Variants in ASAH2 observed in about 807,000 individuals in gnomAD.
The protein encoded by ASAH2 is neutral ceramidase.
Under a neutral mutation model 82.9 loss-of-function variants are expected in ASAH2, and 58 were observed. The observed-to-expected ratio is 0.70, with a 90% confidence interval of 0.57 to 0.87. The LOEUF (loss-of-function observed/expected upper bound fraction) is 0.87, where lower values mean the gene tolerates loss of function less well. Among genes scored for constraint, ASAH2 ranks in the 40% least tolerant of loss-of-function variants. The probability of loss-of-function intolerance (pLI) is 0.00; values close to 1 mark genes in which losing one functional copy is unlikely to be tolerated. For synonymous variants in ASAH2, 276 were observed against 289.7 expected, an observed-to-expected ratio of 0.95 and a Z score of 0.48; for missense variants, 779 against 834.0, an observed-to-expected ratio of 0.93 and a Z score of 0.81.
rs1382687125 is a variant in ASAH2 at position 50,187,164 on chromosome 10, C to CACA, written c.*150_*151insTGT. Reference sequence around the variant, plus strand: ...CACACACACACACACACACACACACCCCTCCACCCCATTAGCAGTAAACTA... The same window carrying CACA: ...CACACACACACACACACACACACACCACACCTCCACCCCATTAGCAGTAAACTA... On this transcript the variant is annotated 3_prime_UTR_variant, in exon 21 of 21. Transcript: ENST00000682911. The CACA allele has an allele frequency of 5.3e-5, 11 of 208,656 alleles. No homozygotes were observed. Among genetic ancestry groups the CACA allele is most frequent in the Non-Finnish European group, 8.3e-5 (9 of 109,012 alleles). 12.9% of individuals were successfully genotyped at this position (208,656 alleles called of 1,614,324 possible). A position where few individuals can be genotyped will look rare whatever the true frequency, so the allele number is the denominator to read the frequency against.
intron 7 of ASAH2, among the ~76,000 whole-genome samples, chr10:50,220,229 TA>T (rs1845705573): frequency 6.6e-6 from 1 of 152,198 alleles, no homozygotes; most frequent in Admixed American, 6.5e-5. Flanking sequence ...TTGGTTGTAA[TA>T]AATGATTGGG....
intron 2 of ASAH2, among the ~76,000 whole-genome samples, chr10:50,247,597 G>A (rs939990903): frequency 6.6e-6 from 1 of 152,128 alleles, no homozygotes; most frequent in African/African-American, 2.4e-5. Flanking sequence ...AGTAGAGAAT[G>A]TGCAGGAAAA....
At position 50,218,643 on chromosome 10, in the gene ASAH2, A is replaced by G. The variant is rs1237414727; in HGVS notation, c.894-13T>C. 121 of 1,613,738 alleles carry G rather than the reference A, an allele frequency of 7.5e-5. No individual in the cohort carries two copies. In the East Asian group the frequency reaches 2.1e-3, roughly 29 times the overall value. ...GATGGCAAACCAGCTGTAAAAGAGC[A>G]AGAAGCTCTAAATTAATCAGGAGAA... On this transcript the variant is annotated splice_polypyrimidine_tract_variant and intron_variant, in intron 7 of 20. Coordinates refer to ENST00000682911, the MANE Select transcript of ASAH2 (RefSeq NM_019893.4).
intron 17 of ASAH2, among the ~76,000 whole-genome samples, chr10:50,197,642 G>A (rs1381514122): frequency 1.3e-5 from 2 of 151,508 alleles, no homozygotes; most frequent in African/African-American, 4.8e-5. Context: ...TTCCCATTTT[G>A]CAAATGAGAA....
At chr10:50,232,169 T>A (rs1358449702) in intron 7 of ASAH2, among the ~76,000 whole-genome samples, 1 of 152,138 alleles carries the variant, frequency 6.6e-6, no homozygotes, top group Non-Finnish European at 1.5e-5. Context: ...TTTAATGTTT[T>A]TCTTCACCAC....
At chr10:50,245,510 A>G (rs755732025) in intron 2 of ASAH2, 56 bp from the exon 3 acceptor site, 95 of 1,473,096 alleles carry the variant, frequency 6.4e-5, no homozygotes, top group Non-Finnish European at 8.6e-5. Flanking sequence ...ATTTGTCAAC[A>G]TCAATTAGAA....
Position 50,248,563 on chromosome 10 carries a change from G to A in ASAH2, c.48C>T (p.Leu16=). The change falls in exon 2 of 21, where the codon CTC becomes CTT. Residue 16 remains leucine, a synonymous_variant. Coordinates refer to ENST00000682911, the MANE Select transcript of ASAH2 (RefSeq NM_019893.4). ...FSNLETFLIF[L]LVMMSAITVA... is the part of the protein sequence containing the mutation. The stretch of plus-strand genomic sequence containing the variant: ...CTGTGATGGCACTCATCATTACAAG[G>A]AGGAAAATCAGGAATGTCTCCAAGT... The A allele has an allele frequency of 6.2e-7, 1 of 1,613,704 alleles. No individual in the cohort carries two copies. Among genetic ancestry groups the A allele is most frequent in the Non-Finnish European group, 8.5e-7 (1 of 1,179,642 alleles).
chr10:50,241,994 A>T (rs1297257243), intron 4 of ASAH2, among the ~76,000 whole-genome samples: 2 of 151,858 alleles, frequency 1.3e-5, no homozygotes, highest in Non-Finnish European at 2.9e-5. Context: ...ATGTAACAAA[A>T]CTCCACGTTC....
At chr10:50,236,214 G>A in intron 4 of ASAH2, 150 bp from the exon 5 acceptor site, 1 of 737,658 alleles carries the variant, frequency 1.4e-6, no homozygotes, top group Non-Finnish European at 2.3e-6. Flanking sequence ...ACCTAAGACT[G>A]AGTAATTTAT....
chr10:50,208,581 A>T (rs1361987955), intron 12 of ASAH2, among the ~76,000 whole-genome samples: 1 of 16,972 alleles, frequency 5.9e-5, no homozygotes, highest in African/African-American at 6.4e-5. Context: ...TGAAATACTA[A>T]GAAATAAACA....
At chr10:50,210,123 C>T (rs989352337) in intron 12 of ASAH2, among the ~76,000 whole-genome samples, 2 of 152,088 alleles carry the variant, frequency 1.3e-5, no homozygotes, top group African/African-American at 2.4e-5. Context: ...ATAACCAAAA[C>T]ATGGGATAAC....
At position 50,234,529 on chromosome 10, in the gene ASAH2, A is replaced by G; in HGVS notation, c.711T>C (p.Asn237=). ...TGATGAAGATTTTGCCTGGTTTCAT[A>G]TTTGTGTGTGCTATGTCAATGCTCT... ...ILKSIDIAHT[N]MKPGKIFINK... is the part of the protein sequence containing the mutation. Residue 237 remains asparagine (N), a synonymous_variant, in exon 6 of 21, where the codon AAT becomes AAC. Coordinates refer to ENST00000682911, the MANE Select transcript of ASAH2 (RefSeq NM_019893.4). 6.2e-7 allele frequency: 1 copy of G among 1,612,884 alleles called. No homozygotes were observed. The highest frequency in any genetic ancestry group is 8.5e-7 in the Non-Finnish European group (1 of 1,179,188).
chr10:50,213,679 A>G (rs1469882764), intron 9 of ASAH2, among the ~76,000 whole-genome samples: 2 of 152,256 alleles, frequency 1.3e-5, no homozygotes, highest in East Asian at 3.9e-4. Context: ...TAAACTGGAC[A>G]GGTAAAACAT....
chr10:50,202,104 C>A (rs1282187272), intron 16 of ASAH2, among the ~76,000 whole-genome samples: 1 of 152,060 alleles, frequency 6.6e-6, no homozygotes, highest in Non-Finnish European at 1.5e-5. Context: ...TCCTAGAAGG[C>A]AGGGACCTTC....
At chr10:50,227,259 A>T (rs1845909072) in intron 7 of ASAH2, among the ~76,000 whole-genome samples, 1 of 152,192 alleles carries the variant, frequency 6.6e-6, no homozygotes, top group East Asian at 1.9e-4. Context: ...TAGCCACATT[A>T]ACAGACTATG....
At chr10:50,236,988 C>A (rs967902494) in intron 4 of ASAH2, among the ~76,000 whole-genome samples, 3 of 151,954 alleles carry the variant, frequency 2.0e-5, no homozygotes, top group Non-Finnish European at 4.4e-5. Flanking sequence ...GTGATAGATG[C>A]TATGAAGAAA....
intron 2 of ASAH2, 119 bp downstream of exon 2, chr10:50,248,365 G>C: frequency 8.0e-7 from 1 of 1,257,600 alleles, no homozygotes; most frequent in Admixed American, 2.5e-5. Flanking sequence ...GGCTATTCCA[G>C]GCTGCTTAAG....
chr10:50,185,050 C>A lies in ASAH2; in HGVS notation c.*2265G>T, dbSNP rs1844708894. 6.6e-6 allele frequency: 1 copy of A among 151,302 alleles called. No individual in the cohort carries two copies. The highest frequency in any genetic ancestry group is 2.4e-5 in the African/African-American group (1 of 41,202). The allele number at this position is 151,302 out of a possible 1,614,324, so 9.4% of individuals were successfully genotyped here. On this transcript the variant is annotated 3_prime_UTR_variant, in exon 21 of 21. Transcript: ENST00000682911. Reference sequence around the variant, plus strand: ...AATGCAGACATTTTAACATGAGAAACAAAATCTCCAAAATTGTTCTCCTAC... The same window carrying A: ...AATGCAGACATTTTAACATGAGAAAAAAAATCTCCAAAATTGTTCTCCTAC...
intron 4 of ASAH2, among the ~76,000 whole-genome samples, chr10:50,239,611 G>C (rs890012018): frequency 1.3e-5 from 2 of 152,108 alleles, no homozygotes; most frequent in African/African-American, 4.8e-5. Context: ...AACTCTGACA[G>C]TTCCTAGCTG....
Sources: gnomAD v4.1 joint callset for allele counts (sites outside exome capture counted in the v4.1 genomes callset) on GRCh38, gnomAD v4.1.1 for gene constraint, MANE v1.5 for transcripts, NCBI Gene and HGNC (gene_info 2026-07-23, HGNC 2026-07-21) for gene names.